The following LRFN5 variants were observed in gnomAD, a reference collection of about 807,000 sequenced individuals.
LRFN5 encodes the protein leucine rich repeat and fibronectin type III domain containing 5, also known as leucine-rich repeat and fibronectin type-III domain-containing protein 5.
LRFN5 carries 24 observed loss-of-function variants against 45.6 expected under a neutral mutation model. The ratio of observed to expected loss-of-function variants is 0.53; its 90% CI spans 0.38 to 0.74. The LOEUF (loss-of-function observed/expected upper bound fraction) is 0.74. Among genes scored for constraint, LRFN5 ranks in the 30% least tolerant of loss-of-function variants. The pLI, the probability that LRFN5 is intolerant of heterozygous loss-of-function variation, is 0.00. For missense variants in LRFN5, 776 were observed against 861.5 expected (o/e 0.90, Z 1.24); for synonymous variants, 340 against 313.8 (o/e 1.08, Z -0.88).
At chr14:41,803,709 T>C (rs1237881574) in intron 2 of LRFN5, among the ~76,000 whole-genome samples, 1 of 152,130 alleles carries the variant, frequency 6.6e-6, no homozygotes, top group South Asian at 2.1e-4. Context: ...CTTATAACAG[T>C]AACTAGAACA....
At chr14:41,628,206 T>C (rs1437003781) in intron 1 of LRFN5, among the ~76,000 whole-genome samples, 1 of 152,210 alleles carries the variant, frequency 6.6e-6, no homozygotes, top group Non-Finnish European at 1.5e-5. Context: ...CCTCATTTAT[T>C]CTTAACAATA....
intron 2 of LRFN5, among the ~76,000 whole-genome samples, chr14:41,773,693 A>G (rs1198410940): frequency 6.6e-6 from 1 of 152,158 alleles, no homozygotes; most frequent in Non-Finnish European, 1.5e-5. Context: ...CTACCATATG[A>G]TAGTGAGGAA....
intron 1 of LRFN5, among the ~76,000 whole-genome samples, chr14:41,670,209 G>GTGTGTGTGGA (rs199686053): frequency 0.016 from 2,123 of 130,756 alleles, 91 homozygotes; most frequent in African/African-American, 0.057. Context: ...TTCTCTGTGT[G>GTGTGTGTGGA]TGTGTGTATA....
At chr14:41,791,496 A>T (rs1886919209) in intron 2 of LRFN5, among the ~76,000 whole-genome samples, 1 of 151,996 alleles carries the variant, frequency 6.6e-6, no homozygotes, top group Admixed American at 6.6e-5. Flanking sequence ...TTTCCATATG[A>T]TGTATTTTGT....
At chr14:41,759,853 G>A (rs1486397954) in intron 1 of LRFN5, among the ~76,000 whole-genome samples, 1 of 152,188 alleles carries the variant, frequency 6.6e-6, no homozygotes, top group East Asian at 1.9e-4. Flanking sequence ...TCATTTTCTA[G>A]TAAAGTGCTA....
intron 1 of LRFN5, among the ~76,000 whole-genome samples, chr14:41,695,287 T>G (rs11623805): frequency 0.27 from 41,669 of 151,766 alleles, 5,755 homozygotes; most frequent in South Asian, 0.38. Flanking sequence ...AGAAGGTGTC[T>G]CCATAACATA....
At chr14:41,804,559 G>A (rs1887453549) in intron 2 of LRFN5, among the ~76,000 whole-genome samples, 1 of 152,004 alleles carries the variant, frequency 6.6e-6, no homozygotes. Context: ...CTAACCTGGT[G>A]GTCTTTCATT....
At chr14:41,804,590 G>C (rs35342366) in intron 2 of LRFN5, among the ~76,000 whole-genome samples, 19,552 of 151,966 alleles carry the variant, frequency 0.13, 1,355 homozygotes, top group East Asian at 0.21. Flanking sequence ...AGGTGGTTCA[G>C]TTTTGGAGAA....
intron 1 of LRFN5, 67 bp from the exon 2 acceptor site, chr14:41,766,787 T>C (rs937551631): frequency 2.0e-5 from 3 of 152,498 alleles, no homozygotes; most frequent in Non-Finnish European, 4.4e-5. Context: ...ACAGCCACTA[T>C]ATTTTTCAAG....
intron 1 of LRFN5, among the ~76,000 whole-genome samples, chr14:41,705,195 A>T (rs1463757788): frequency 5.3e-5 from 8 of 152,126 alleles, no homozygotes; most frequent in Non-Finnish European, 8.8e-5. Context: ...ATAAAAAAAA[A>T]ATCCCCAAAC....
chr14:41,752,968 T>C (rs1277857082), intron 1 of LRFN5, among the ~76,000 whole-genome samples: 1 of 152,218 alleles, frequency 6.6e-6, no homozygotes, highest in African/African-American at 2.4e-5. Context: ...GGATCCAGTT[T>C]CAGCTTTCTA....
chr14:41,762,137 GAA>G (rs60675317), intron 1 of LRFN5, among the ~76,000 whole-genome samples: 29 of 101,368 alleles, frequency 2.9e-4, no homozygotes, highest in Admixed American at 7.0e-4. Context: ...TTCACACCCT[GAA>G]AAAAAAAAAA....
At chr14:41,626,738 C>T (rs903780943) in intron 1 of LRFN5, among the ~76,000 whole-genome samples, 15 of 151,854 alleles carry the variant, frequency 9.9e-5, no homozygotes, top group African/African-American at 3.1e-4. Context: ...ACAATTTCAA[C>T]GTAATTTTAA....
At chr14:41,845,422 C>T (rs976650470) in intron 2 of LRFN5, among the ~76,000 whole-genome samples, 9 of 152,130 alleles carry the variant, frequency 5.9e-5, no homozygotes, top group Middle Eastern at 3.4e-3. Context: ...TGCTATATGT[C>T]GTCTGCCATA....
Position 41,887,988 on chromosome 14 carries a change from T to TA in LRFN5, c.1364dup (p.Tyr455Ter). ...GTTTCAAATCCAGTACAATGGTACTTATGATGACACCCTTGTTTACAGGTA... is the reference window on the plus strand; with the variant it reads ...GTTTCAAATCCAGTACAATGGTACTTAATGATGACACCCTTGTTTACAGGTA... ...RMFQIQYNGT[Y>*]DDTLVYRMIP... Residue 455 changes from tyrosine (Y) to a stop codon, truncating the protein, a stop_gained and frameshift_variant, in exon 3 of 6, where the codon TAT (tyrosine) becomes TAAT (stop). Coordinates refer to ENST00000298119, the MANE Select transcript of LRFN5 (RefSeq NM_152447.5). LOFTEE classifies it high-confidence loss of function. This position sits in a 1 kb window ranked among gnomAD's most constrained non-coding sequence, Gnocchi z 4.8. The TA allele has an allele frequency of 6.2e-7, 1 of 1,604,436 alleles. No homozygotes were observed. The highest frequency in any genetic ancestry group is 8.5e-7 in the Non-Finnish European group (1 of 1,175,000).
At chr14:41,787,219 G>T (rs1886753786) in intron 2 of LRFN5, among the ~76,000 whole-genome samples, 1 of 151,756 alleles carries the variant, frequency 6.6e-6, no homozygotes, top group South Asian at 2.1e-4. Flanking sequence ...TTAAATTATT[G>T]GTTGTTGGAT....
chr14:41,818,223 C>A (rs535852709), intron 2 of LRFN5, among the ~76,000 whole-genome samples: 1 of 151,726 alleles, frequency 6.6e-6, no homozygotes, highest in African/African-American at 2.4e-5. Flanking sequence ...ATTCTATTTC[C>A]TGGATAAATA....
intron 2 of LRFN5, among the ~76,000 whole-genome samples, chr14:41,807,223 A>G (rs895073751): frequency 2.6e-5 from 4 of 152,166 alleles, no homozygotes; most frequent in Non-Finnish European, 4.4e-5. Context: ...TTTTCTACCT[A>G]TTGAAGAAAT....
In LRFN5 at chr14:41,872,839, C is replaced by T. The variant is rs567841002; in HGVS notation, c.-20-13767C>T. Among the ~76,000 whole-genome samples, 3 of 152,294 alleles carry T rather than the reference C, an allele frequency of 2.0e-5. No individual in the cohort carries two copies. The East Asian group carries it at 5.8e-4, about 29-fold the overall frequency. On this transcript the variant is annotated intron_variant, in intron 2 of 5. Transcript: ENST00000298119. ...AGAAGGGACAAGTGGATATTAGAAA[C>T]GCAACTAGTACTTTCTCATAAACAC...
Sources: gnomAD v4.1 joint callset for allele counts (sites outside exome capture counted in the v4.1 genomes callset) on GRCh38, gnomAD v4.1.1 for gene constraint, Gnocchi (gnomAD v3.1) non-coding constraint, MANE v1.5 for transcripts, NCBI Gene and HGNC (gene_info 2026-07-23, HGNC 2026-07-21) for gene names.